Variants in CSMD1 observed in about 807,000 individuals in gnomAD.
CSMD1 encodes the protein CUB and sushi domain-containing protein 1.
In CSMD1, 213 loss-of-function variants were observed where a neutral mutation model predicts 417.5. The observed-to-expected ratio is 0.51, with a 90% CI of 0.46 to 0.57. CSMD1 has a LOEUF of 0.57. Ranked by LOEUF, CSMD1 falls within the 20% of genes least tolerant of loss-of-function variation. The pLI, the probability that CSMD1 is intolerant of heterozygous loss-of-function variation, is 0.00. For synonymous variants in CSMD1, 2,862 were observed against 1,736.8 expected (o/e 1.65, Z -16.11); for missense variants, 6,923 against 4,529.7 (o/e 1.53, Z -15.17).
intron 5 of CSMD1, among the ~76,000 whole-genome samples, chr8:3,905,970 A>C (rs926524957): frequency 1.2e-4 from 19 of 152,234 alleles, no homozygotes; most frequent in Non-Finnish European, 2.8e-4. Context: ...GATTTTATCA[A>C]ACCTGTTCTT....
At chr8:4,813,139 A>T (rs1318258503) in intron 1 of CSMD1, among the ~76,000 whole-genome samples, 2 of 152,210 alleles carry the variant, frequency 1.3e-5, no homozygotes, top group African/African-American at 4.8e-5. Flanking sequence ...GCTCTCGCTA[A>T]ATCCCTGACA....
At chr8:4,068,904 A>C (rs2130770550) in intron 3 of CSMD1, among the ~76,000 whole-genome samples, 1 of 152,354 alleles carries the variant, frequency 6.6e-6, no homozygotes, top group Admixed American at 6.5e-5. Context: ...TGGTTATAAT[A>C]ACCAAATAAT....
chr8:3,499,278 G>A (rs1377094888), intron 10 of CSMD1, among the ~76,000 whole-genome samples: 1 of 152,206 alleles, frequency 6.6e-6, no homozygotes, highest in South Asian at 2.1e-4. Context: ...CATGTTTGTA[G>A]CTGTCTGAGT....
intron 2 of CSMD1, among the ~76,000 whole-genome samples, chr8:4,517,276 G>A (rs1415293030): frequency 5.9e-5 from 9 of 152,106 alleles, no homozygotes; most frequent in African/African-American, 1.9e-4. Flanking sequence ...TTAGACTAAC[G>A]TAGTGATAAA....
intron 2 of CSMD1, among the ~76,000 whole-genome samples, chr8:4,551,592 C>T (rs535127792): frequency 6.6e-6 from 1 of 152,280 alleles, no homozygotes; most frequent in South Asian, 2.1e-4. Flanking sequence ...ACCCCACACT[C>T]AAGATGCTGC....
intron 12 of CSMD1, among the ~76,000 whole-genome samples, chr8:3,449,773 C>G (rs891198759): frequency 1.2e-4 from 18 of 152,298 alleles, no homozygotes; most frequent in African/African-American, 4.1e-4. Context: ...CCACCTTGGC[C>G]TCCCAAAGTG....
At chr8:3,782,586 G>A (rs920563787) in intron 5 of CSMD1, among the ~76,000 whole-genome samples, 12 of 152,308 alleles carry the variant, frequency 7.9e-5, no homozygotes, top group African/African-American at 2.9e-4. Flanking sequence ...CATGGCACAT[G>A]TAATCCTATG....
At chr8:4,972,105 G>C (rs1448200982) in intron 1 of CSMD1, among the ~76,000 whole-genome samples, 1 of 152,128 alleles carries the variant, frequency 6.6e-6, no homozygotes, top group East Asian at 1.9e-4. Context: ...AAGCCTATCT[G>C]ATAAAAGAAA....
At chr8:4,008,009 A>G (rs1029403566) in intron 4 of CSMD1, among the ~76,000 whole-genome samples, 49 of 152,232 alleles carry the variant, frequency 3.2e-4, no homozygotes, top group African/African-American at 9.9e-4. Context: ...GCAATCCATA[A>G]GAGGTTTATT....
intron 25 of CSMD1, among the ~76,000 whole-genome samples, chr8:3,294,609 C>A (rs957797520): frequency 1.3e-5 from 2 of 152,144 alleles, no homozygotes; most frequent in Admixed American, 6.5e-5. Context: ...GGGGGTAGGA[C>A]CCTCTGAGTC....
In CSMD1 at chr8:4,286,824, G is replaced by A. The variant is rs774862268; in HGVS notation, c.415+133129C>T. 1.0e-3 allele frequency among the ~76,000 whole-genome samples: 152 copies of A among 152,264 alleles called. 1 individual carries two copies. Among genetic ancestry groups the A allele is most frequent in the Non-Finnish European group, 1.6e-3 (106 of 68,030 alleles). ...TAGAAAACCAAAAGTTGATCTTTCAGTTGCTGTTGCTGTTTGTTATTAGGA... is the reference window on the plus strand; with the variant it reads ...TAGAAAACCAAAAGTTGATCTTTCAATTGCTGTTGCTGTTTGTTATTAGGA... On this transcript the variant is annotated intron_variant, in intron 3 of 69. Transcript: ENST00000635120.
intron 11 of CSMD1, among the ~76,000 whole-genome samples, chr8:3,469,896 T>G (rs28593667): frequency 5.9e-5 from 9 of 152,334 alleles, no homozygotes; most frequent in African/African-American, 1.4e-4. Flanking sequence ...TTCTGAAGAT[T>G]TGTCTTCGTT....
At chr8:3,404,817 G>A (rs549627708) in intron 15 of CSMD1, among the ~76,000 whole-genome samples, 4 of 151,954 alleles carry the variant, frequency 2.6e-5, no homozygotes, top group Admixed American at 1.3e-4. Flanking sequence ...CACCTGAGAC[G>A]CTTTGAGCTT....
chr8:3,213,780 T>C (rs768651002), intron 30 of CSMD1, among the ~76,000 whole-genome samples: 1 of 150,950 alleles, frequency 6.6e-6, no homozygotes, highest in Non-Finnish European at 1.5e-5. Context: ...TGTGTGTGTA[T>C]GTATATATAT....
intron 25 of CSMD1, among the ~76,000 whole-genome samples, chr8:3,293,330 C>G (rs530568705): frequency 1.3e-5 from 2 of 152,150 alleles, no homozygotes; most frequent in South Asian, 4.1e-4. Flanking sequence ...CGAGGAGTAT[C>G]TTTGTGGCGT....
rs1814601504 is a variant in CSMD1, at chr8:3,087,252, T to A, written c.7319A>T (p.Asn2440Ile). 6.2e-7 allele frequency: 1 copy of A among 1,613,822 alleles called. No homozygotes were observed. Among genetic ancestry groups the A allele is most frequent in the Non-Finnish European group, 8.5e-7 (1 of 1,179,872 alleles). ...PYCSLTHPLK[N>I]GGILNRTAGA... ...TGCAGTCCTGTTTAGAATACCCCCA[T>A]TCTTCAGGGGGTGGGTCAAACTGCA... Residue 2440 changes from asparagine (N) to isoleucine (I), a missense_variant, in exon 49 of 70, where the codon AAT (asparagine) becomes ATT (isoleucine). Physicochemically the swap from Asn to Ile is moderately radical, Grantham distance 149. Coordinates refer to ENST00000635120, the MANE Select transcript of CSMD1 (RefSeq NM_033225.6).
At chr8:4,467,548 T>G (rs1800257609) in intron 2 of CSMD1, among the ~76,000 whole-genome samples, 1 of 152,234 alleles carries the variant, frequency 6.6e-6, no homozygotes, top group East Asian at 1.9e-4. Flanking sequence ...ACATTAAACC[T>G]GTTGAAAAAT....
rs573142637 is a variant in CSMD1 at position 4,461,496 on chromosome 8, C to G, written c.303-41431G>C. ...AAACTATTAGAATTTAAGAACATCTCCAGCAAGGTTACAGAGTAGAAGATG... is the reference window on the plus strand; with the variant it reads ...AAACTATTAGAATTTAAGAACATCTGCAGCAAGGTTACAGAGTAGAAGATG... On this transcript the variant is annotated intron_variant, in intron 2 of 69. Coordinates refer to ENST00000635120, the MANE Select transcript of CSMD1 (RefSeq NM_033225.6). 1.2e-4 allele frequency among the ~76,000 whole-genome samples: 18 copies of G among 146,170 alleles called. No homozygotes were observed. In the South Asian group the frequency reaches 3.0e-3, roughly 24 times the overall value.
intron 12 of CSMD1, among the ~76,000 whole-genome samples, chr8:3,436,939 T>G (rs994159504): frequency 6.6e-6 from 1 of 151,650 alleles, no homozygotes; most frequent in South Asian, 2.1e-4. Flanking sequence ...AAAAAAAGAG[T>G]GTGAAGCTAA....
Sources: allele counts gnomAD v4.1 joint callset (sites outside exome capture counted in the v4.1 genomes callset), GRCh38; gene constraint gnomAD v4.1.1; transcripts MANE v1.5; gene names NCBI Gene and HGNC (gene_info 2026-07-23, HGNC 2026-07-21).